The following HS6ST3 variants were observed in gnomAD, a reference collection of about 807,000 sequenced individuals.
HS6ST3 encodes the protein heparan-sulfate 6-O-sulfotransferase 3.
HS6ST3 carries 12 observed loss-of-function variants against 36.7 expected under a neutral mutation model. The ratio of observed to expected loss-of-function variants is 0.33; its 90% CI spans 0.21 to 0.53. The LOEUF (loss-of-function observed/expected upper bound fraction) is 0.53, where lower values mean the gene tolerates loss of function less well. Ranked by LOEUF, HS6ST3 falls within the 20% of genes least tolerant of loss-of-function variation. The pLI, the probability that HS6ST3 is intolerant of heterozygous loss-of-function variation, is 0.95. For synonymous variants in HS6ST3, 240 were observed against 257.5 expected, an observed-to-expected ratio of 0.93 and a Z score of 0.65; for missense variants, 584 against 640.9, an observed-to-expected ratio of 0.91 and a Z score of 0.96.
chr13:96,279,338 T>C (rs2054763531), intron 1 of HS6ST3, among the ~76,000 whole-genome samples: 1 of 152,174 alleles, frequency 6.6e-6, no homozygotes, highest in African/African-American at 2.4e-5. Context: ...ATTGAACACA[T>C]ACTATACGCT....
chr13:96,614,233 G>A (rs1191561125), intron 1 of HS6ST3, among the ~76,000 whole-genome samples: 1 of 138,364 alleles, frequency 7.2e-6, no homozygotes, highest in Non-Finnish European at 1.5e-5. Flanking sequence ...GGGAGGCGGA[G>A]CTTGCAGTGA....
At chr13:96,155,466 G>A (rs900099052) in intron 1 of HS6ST3, among the ~76,000 whole-genome samples, 1 of 152,162 alleles carries the variant, frequency 6.6e-6, no homozygotes, top group East Asian at 1.9e-4. Flanking sequence ...ATTAGCCCTA[G>A]ATGTGGCACT....
chr13:96,486,754 G>A (rs1022792273), intron 1 of HS6ST3, among the ~76,000 whole-genome samples: 5 of 152,042 alleles, frequency 3.3e-5, no homozygotes, highest in Non-Finnish European at 7.4e-5. Context: ...TTGGATAATA[G>A]ATAGATTGGA....
chr13:96,401,333 A>AT (rs5805967), intron 1 of HS6ST3, among the ~76,000 whole-genome samples: 71,924 of 151,882 alleles, frequency 0.47, 17,361 homozygotes, highest in Middle Eastern at 0.58. Context: ...CTTAATACAC[A>AT]TTATTTGTTT....
chr13:96,168,457 G>A (rs1282992976), intron 1 of HS6ST3, among the ~76,000 whole-genome samples: 1 of 152,062 alleles, frequency 6.6e-6, no homozygotes, highest in African/African-American at 2.4e-5. Flanking sequence ...TGTAATCCCA[G>A]CACTTTGGGT....
intron 1 of HS6ST3, among the ~76,000 whole-genome samples, chr13:96,683,022 G>A (rs533525002): frequency 5.9e-4 from 90 of 152,166 alleles, no homozygotes; most frequent in Admixed American, 1.4e-3. Flanking sequence ...TTTCATGAAG[G>A]TTTGTTTGAT....
intron 1 of HS6ST3, among the ~76,000 whole-genome samples, chr13:96,751,666 C>G (rs75578882): frequency 4.6e-5 from 7 of 151,808 alleles, no homozygotes; most frequent in African/African-American, 1.7e-4. Context: ...AGAAGGCAGG[C>G]ATGTAACTAA....
intron 1 of HS6ST3, among the ~76,000 whole-genome samples, chr13:96,322,665 T>C (rs186410279): frequency 5.9e-5 from 9 of 152,330 alleles, no homozygotes; most frequent in Admixed American, 5.9e-4. Context: ...AACATCACTC[T>C]CAAGCATCTG....
At chr13:96,173,693 A>AAAG (rs397947223) in intron 1 of HS6ST3, among the ~76,000 whole-genome samples, 2 of 150,098 alleles carry the variant, frequency 1.3e-5, no homozygotes, top group African/African-American at 4.9e-5. Context: ...AAAAAAAAAA[A>AAAG]TGGAGTCCAG....
chr13:96,550,810 CT>C (rs1390346662), intron 1 of HS6ST3, among the ~76,000 whole-genome samples: 2 of 152,028 alleles, frequency 1.3e-5, no homozygotes, highest in Non-Finnish European at 2.9e-5. Context: ...ATGTTAATTT[CT>C]TTTCATAAAT....
chr13:96,730,294 T>A (rs1050990710), intron 1 of HS6ST3, among the ~76,000 whole-genome samples: 6 of 151,342 alleles, frequency 4.0e-5, no homozygotes, highest in African/African-American at 1.2e-4. Flanking sequence ...TTTTTTTAAA[T>A]TTTTTTTTGC....
chr13:96,504,566 A>T (rs1029550814), intron 1 of HS6ST3, among the ~76,000 whole-genome samples: 6 of 152,130 alleles, frequency 3.9e-5, no homozygotes, highest in Admixed American at 6.6e-5. Context: ...AAAAAATAAA[A>T]TAAAAGTAAA....
intron 1 of HS6ST3, among the ~76,000 whole-genome samples, chr13:96,623,265 G>A (rs1399683417): frequency 2.0e-5 from 3 of 152,160 alleles, no homozygotes; most frequent in Non-Finnish European, 4.4e-5. Flanking sequence ...ATATCTGTAA[G>A]TATATATTCT....
At chr13:96,168,425 G>A (rs1459427652) in intron 1 of HS6ST3, among the ~76,000 whole-genome samples, 2 of 152,004 alleles carry the variant, frequency 1.3e-5, no homozygotes, top group African/African-American at 4.8e-5. Flanking sequence ...ACTATTTCAG[G>A]TCAGGTGCAG....
chr13:96,623,741 T>C (rs992589231), intron 1 of HS6ST3, among the ~76,000 whole-genome samples: 8 of 152,148 alleles, frequency 5.3e-5, no homozygotes, highest in Admixed American at 2.6e-4. Context: ...GGTGTTACCT[T>C]CCCCAGTGGT....
intron 1 of HS6ST3, among the ~76,000 whole-genome samples, chr13:96,188,906 G>A (rs530545491): frequency 4.6e-5 from 7 of 152,042 alleles, no homozygotes; most frequent in South Asian, 2.1e-4. Context: ...ATACTATTTC[G>A]TATTTAATTT....
intron 1 of HS6ST3, among the ~76,000 whole-genome samples, chr13:96,435,445 A>C (rs2055636790): frequency 6.6e-6 from 1 of 152,056 alleles, no homozygotes; most frequent in Admixed American, 6.6e-5. Context: ...CTCAGTGCCA[A>C]CCTTCCTCCT....
intron 1 of HS6ST3, among the ~76,000 whole-genome samples, chr13:96,242,407 G>A (rs1052631528): frequency 2.6e-4 from 40 of 151,872 alleles, no homozygotes; most frequent in African/African-American, 9.4e-4. Context: ...TTATAGAGAT[G>A]GGGTTTTTGC....
At chr13:96,424,623 G>A (rs552580189) in intron 1 of HS6ST3, among the ~76,000 whole-genome samples, 48 of 152,246 alleles carry the variant, frequency 3.2e-4, no homozygotes, top group African/African-American at 1.1e-3. Flanking sequence ...TTCCTGGTTC[G>A]TAGATGGTGA....
Sources: allele counts gnomAD v4.1 joint callset (sites outside exome capture counted in the v4.1 genomes callset), GRCh38; gene constraint gnomAD v4.1.1; transcripts MANE v1.5; gene names NCBI Gene and HGNC (gene_info 2026-07-23, HGNC 2026-07-21).